The following NYAP2 variants were observed in gnomAD, a reference collection of about 807,000 sequenced individuals.
NYAP2 encodes the protein neuronal tyrosine-phosphorylated phosphoinositide-3-kinase adaptor 2.
Under a neutral mutation model 50.4 loss-of-function variants are expected in NYAP2, and 23 were observed. That is an observed-to-expected ratio of 0.46 (90% confidence interval 0.33 to 0.65). The LOEUF is 0.65. NYAP2 is among the 30% of genes least tolerant of loss of function. The pLI is 0.02. For synonymous variants in NYAP2, 394 were observed against 365.2 expected (o/e 1.08, Z -0.90); for missense variants, 885 against 861.0 (o/e 1.03, Z -0.35).
chr2:225,668,878 G>A, the NYAP2 span, among the ~76,000 whole-genome samples: 2 of 147,032 alleles, frequency 1.4e-5, no homozygotes, highest in East Asian at 4.1e-4. Flanking sequence ...TACTTGACAA[G>A]TCAAACTATT....
At chr2:225,646,154 C>T (rs931641241) in intron 6 of NYAP2, among the ~76,000 whole-genome samples, 4 of 152,166 alleles carry the variant, frequency 2.6e-5, no homozygotes, top group Admixed American at 1.3e-4. Context: ...AGCCTGGTCT[C>T]AGAAACACCA....
chr2:225,487,319 C>T (rs1045663274), intron 3 of NYAP2, among the ~76,000 whole-genome samples: 1 of 152,134 alleles, frequency 6.6e-6, no homozygotes, highest in Admixed American at 6.6e-5. Context: ...TCTGCCGTAG[C>T]CTCGAGCCTC....
chr2:225,619,458 AATC>A (rs1166301196), intron 5 of NYAP2, among the ~76,000 whole-genome samples: 1 of 152,218 alleles, frequency 6.6e-6, no homozygotes, highest in Non-Finnish European at 1.5e-5. Flanking sequence ...GATTTATAAG[AATC>A]TTCAGTACTC....
At chr2:225,611,191 A>G (rs1233017439) in intron 5 of NYAP2, among the ~76,000 whole-genome samples, 1 of 152,134 alleles carries the variant, frequency 6.6e-6, no homozygotes, top group Non-Finnish European at 1.5e-5. Flanking sequence ...CAAAACCCCT[A>G]GTTTCCAGAC....
rs59862726 is a variant in NYAP2 at position 225,529,534 on chromosome 2, A to G, written c.523+15862A>G. Among the ~76,000 whole-genome samples the G allele has an allele frequency of 6.2e-3, 941 of 152,184 alleles. 8 individuals carry two copies. Among genetic ancestry groups the G allele is most frequent in the African/African-American group, 0.021 (882 of 41,528 alleles). ...GAGACAGGGTTTTGCCATGTTGGAC[A>G]GGGTAGTCTCAAACTCCTGGCCTCA... On this transcript the variant is annotated intron_variant, in intron 4 of 6. Transcript: ENST00000636099.
chr2:225,425,509 A>G (rs915293447), intron 3 of NYAP2, among the ~76,000 whole-genome samples: 1 of 152,190 alleles, frequency 6.6e-6, no homozygotes, highest in African/African-American at 2.4e-5. Flanking sequence ...ATAACTGGCT[A>G]ATTTCATGCT....
chr2:225,447,305 T>G (rs1689578563), intron 3 of NYAP2, among the ~76,000 whole-genome samples: 1 of 152,184 alleles, frequency 6.6e-6, no homozygotes, highest in Non-Finnish European at 1.5e-5. Flanking sequence ...TTCCTCAGGT[T>G]TTGTTAAATA....
intron 3 of NYAP2, among the ~76,000 whole-genome samples, chr2:225,488,211 G>C (rs1690337647): frequency 6.6e-6 from 1 of 152,106 alleles, no homozygotes; most frequent in African/African-American, 2.4e-5. Context: ...AAACATGCTT[G>C]GCAGCTTATG....
chr2:225,490,508 T>C (rs1369103182), intron 3 of NYAP2, among the ~76,000 whole-genome samples: 2 of 152,176 alleles, frequency 1.3e-5, no homozygotes, highest in Non-Finnish European at 2.9e-5. Flanking sequence ...TGTAAATATA[T>C]CTGCTTGACT....
intron 5 of NYAP2, among the ~76,000 whole-genome samples, chr2:225,606,106 G>A (rs543472069): frequency 4.3e-4 from 65 of 152,214 alleles, no homozygotes; most frequent in African/African-American, 1.5e-3. Context: ...AGATCATTGA[G>A]TCTAAATTCC....
At chr2:225,678,251 G>A in the NYAP2 span, among the ~76,000 whole-genome samples, 2 of 151,620 alleles carry the variant, frequency 1.3e-5, no homozygotes, top group Admixed American at 6.6e-5. Flanking sequence ...CTGTGGGAGC[G>A]GTTGTAAGGT....
intron 3 of NYAP2, among the ~76,000 whole-genome samples, chr2:225,447,433 A>C (rs1351816643): frequency 2.0e-4 from 31 of 152,244 alleles, no homozygotes; most frequent in Non-Finnish European, 1.6e-4. Flanking sequence ...AATATCAAAT[A>C]AACTCCAAGC....
At chr2:225,543,534 G>A (rs1263828687) in intron 4 of NYAP2, among the ~76,000 whole-genome samples, 1 of 151,822 alleles carries the variant, frequency 6.6e-6, no homozygotes, top group Non-Finnish European at 1.5e-5. Flanking sequence ...GGAGCATGTT[G>A]TTTAATTTCC....
chr2:225,652,181 T>C (rs1693743319), exon 7 of NYAP2: 1 of 152,174 alleles, frequency 6.6e-6, no homozygotes, highest in Admixed American at 6.5e-5. Flanking sequence ...CTTAGGCTAT[T>C]GACTGGCCTA....
chr2:225,466,854 T>C (rs1012780860), intron 3 of NYAP2, among the ~76,000 whole-genome samples: 1 of 152,144 alleles, frequency 6.6e-6, no homozygotes, highest in Non-Finnish European at 1.5e-5. Context: ...GAAGAAAGAA[T>C]TCAGCTGAGG....
the NYAP2 span, among the ~76,000 whole-genome samples, chr2:225,661,403 C>G: frequency 6.6e-6 from 1 of 152,216 alleles, no homozygotes; most frequent in Non-Finnish European, 1.5e-5. Flanking sequence ...TGAACATTAT[C>G]CTTCAGGTTG....
intron 4 of NYAP2, among the ~76,000 whole-genome samples, chr2:225,529,747 GCC>G (rs1691220841): frequency 6.6e-6 from 1 of 152,022 alleles, no homozygotes; most frequent in African/African-American, 2.4e-5. Flanking sequence ...TCACTCTGTC[GCC>G]CAGGCTAGGG....
intron 3 of NYAP2, among the ~76,000 whole-genome samples, chr2:225,412,460 G>T (rs1695062660): frequency 6.6e-6 from 1 of 151,688 alleles, no homozygotes; most frequent in African/African-American, 2.4e-5. Context: ...AGCACGGACT[G>T]CTCAGCCCTG....
chr2:225,550,175 G>A (rs1407680571), intron 4 of NYAP2, among the ~76,000 whole-genome samples: 6 of 152,250 alleles, frequency 3.9e-5, no homozygotes, highest in Middle Eastern at 3.4e-3. Context: ...TTAAGATATG[G>A]CGACCAGAAA....
Sources: gnomAD v4.1 joint callset for allele counts (sites outside exome capture counted in the v4.1 genomes callset) on GRCh38, gnomAD v4.1.1 for gene constraint, MANE v1.5 for transcripts, NCBI Gene and HGNC (gene_info 2026-07-23, HGNC 2026-07-21) for gene names.